TNIK: variants seen among roughly 807,000 people sequenced by gnomAD.
The protein encoded by TNIK is TRAF2 and NCK-interacting protein kinase.
A neutral mutation model predicts 191.3 loss-of-function variants in TNIK; 49 were observed. The observed-to-expected ratio is 0.26, with a 90% confidence interval of 0.20 to 0.32. TNIK has a LOEUF of 0.32. TNIK is among the 10% of genes least tolerant of loss of function. The pLI, the probability that TNIK is intolerant of heterozygous loss-of-function variation, is 1.00. For missense variants in TNIK, 1,155 were observed against 1,702.3 expected (o/e 0.68, Z 5.66); for synonymous variants, 594 against 600.9 (o/e 0.99, Z 0.17).
chr3:171,224,761 C>T (rs1004167501), intron 3 of TNIK, among the ~76,000 whole-genome samples: 6 of 152,042 alleles, frequency 3.9e-5, no homozygotes, highest in Admixed American at 1.3e-4. Flanking sequence ...CAATCTAGAG[C>T]GCAAAAATCC....
At chr3:171,183,704 C>T (rs977036406) in intron 7 of TNIK, among the ~76,000 whole-genome samples, 1 of 152,102 alleles carries the variant, frequency 6.6e-6, no homozygotes, top group South Asian at 2.1e-4. Flanking sequence ...GGGCAGATCA[C>T]GAGGTCAGGA....
At chr3:171,196,997 C>T (rs1027147317) in intron 4 of TNIK, among the ~76,000 whole-genome samples, 6 of 152,290 alleles carry the variant, frequency 3.9e-5, no homozygotes, top group Admixed American at 6.5e-5. Flanking sequence ...CTTTGTGATC[C>T]GCCCGCCTCG....
chr3:171,105,409 T>C (rs568252600), intron 21 of TNIK, among the ~76,000 whole-genome samples: 33 of 152,306 alleles, frequency 2.2e-4, no homozygotes, highest in Admixed American at 7.2e-4. Context: ...CAAAACTGTC[T>C]CCAGATTTTG....
At chr3:171,083,980 T>C (rs1721017955) in intron 26 of TNIK, among the ~76,000 whole-genome samples, 175 bp downstream of exon 26, 1 of 152,164 alleles carries the variant, frequency 6.6e-6, no homozygotes, top group Non-Finnish European at 1.5e-5. Flanking sequence ...TATTTCTACA[T>C]ATAAAACTCC....
chr3:171,079,546 G>A lies in TNIK; in HGVS notation c.3420C>T (p.Asp1140=). Residue 1140 remains aspartate (D), a synonymous_variant, in exon 28 of 33, where the codon GAC becomes GAT. Coordinates refer to ENST00000436636, the MANE Select transcript of TNIK (RefSeq NM_015028.4). ...CTTTATAATGTATACAGCCTTCCAA[G>A]TCCCCAACAGTGATCCAGCCTTGTT... The part of the protein sequence containing the change: ...EKKQGWITVG[D]LEGCIHYKVV... 6.2e-7 allele frequency: 1 copy of A among 1,613,570 alleles called. No homozygotes were observed. Among genetic ancestry groups the A allele is most frequent in the Non-Finnish European group, 8.5e-7 (1 of 1,179,718 alleles).
Position 171,455,796 on chromosome 3 carries a change from G to A in TNIK, c.57+4211C>T, listed in dbSNP as rs1186070623. The stretch of plus-strand genomic sequence containing the variant: ...TAAGAGGTGGACATAGAACTGGGGA[G>A]ACAGGGTTCATTCCACTCCATTCAT... On this transcript the variant is annotated intron_variant, in intron 1 of 32. Coordinates refer to ENST00000436636, the MANE Select transcript of TNIK (RefSeq NM_015028.4). Among the ~76,000 whole-genome samples the A allele has an allele frequency of 2.6e-4, 40 of 152,170 alleles. 1 individual carries two copies.
chr3:171,118,147 AACAG>A (rs754564328), intron 18 of TNIK, among the ~76,000 whole-genome samples: 11 of 151,596 alleles, frequency 7.3e-5, no homozygotes, highest in South Asian at 2.1e-4. Flanking sequence ...ATACACCAAT[AACAG>A]ACAGAGAGAC....
chr3:171,289,287 G>A (rs1369900448), intron 2 of TNIK, among the ~76,000 whole-genome samples: 2 of 152,198 alleles, frequency 1.3e-5, no homozygotes, highest in Non-Finnish European at 2.9e-5. Context: ...AAGAGAATAT[G>A]AGAATTATGT....
chr3:171,124,178 A>G (rs984632630), intron 17 of TNIK, among the ~76,000 whole-genome samples: 1 of 152,236 alleles, frequency 6.6e-6, no homozygotes, highest in African/African-American at 2.4e-5. Flanking sequence ...CTAGAATATC[A>G]GGATAGAGCT....
chr3:171,418,936 G>A (rs1267168243), intron 1 of TNIK, among the ~76,000 whole-genome samples: 1 of 152,154 alleles, frequency 6.6e-6, no homozygotes, highest in African/African-American at 2.4e-5. Context: ...AGGTCCAGCA[G>A]GGTCAGTTTC....
chr3:171,130,457 A>G (rs1046197084), intron 15 of TNIK, among the ~76,000 whole-genome samples: 1 of 152,230 alleles, frequency 6.6e-6, no homozygotes. Context: ...AAAAGCCAGG[A>G]ATATAAACCA....
chr3:171,415,122 C>T (rs1722894089), intron 1 of TNIK, among the ~76,000 whole-genome samples: 1 of 152,168 alleles, frequency 6.6e-6, no homozygotes, highest in Non-Finnish European at 1.5e-5. Flanking sequence ...ATCTCAGTAC[C>T]TATTCATGGG....
intron 1 of TNIK, among the ~76,000 whole-genome samples, chr3:171,409,136 T>A (rs183707165): frequency 6.6e-6 from 1 of 152,272 alleles, no homozygotes; most frequent in Non-Finnish European, 1.5e-5. Context: ...TGGGTAAAAT[T>A]TGAGAAAACC....
intron 30 of TNIK, among the ~76,000 whole-genome samples, chr3:171,067,628 C>T (rs901128039): frequency 5.0e-4 from 75 of 149,318 alleles, no homozygotes; most frequent in Non-Finnish European, 8.4e-4. Context: ...GCCGAGATCA[C>T]GCCACTGTAC....
chr3:171,351,806 A>G (rs935195504), intron 2 of TNIK, among the ~76,000 whole-genome samples: 3 of 152,292 alleles, frequency 2.0e-5, no homozygotes, highest in Admixed American at 6.5e-5. Context: ...GGGATATGAC[A>G]AACCAACCAC....
chr3:171,313,191 T>C (rs1196279840), intron 2 of TNIK, among the ~76,000 whole-genome samples: 1 of 152,230 alleles, frequency 6.6e-6, no homozygotes, highest in African/African-American at 2.4e-5. Context: ...ACCAATTTTT[T>C]AAAGTGTATC....
chr3:171,389,182 T>C (rs1023869726), intron 1 of TNIK, among the ~76,000 whole-genome samples: 3 of 152,172 alleles, frequency 2.0e-5, no homozygotes, highest in South Asian at 2.1e-4. Context: ...CACAACCACC[T>C]GGTACTTATT....
chr3:171,148,751 G>A (rs1469768719), intron 12 of TNIK, among the ~76,000 whole-genome samples: 1 of 152,208 alleles, frequency 6.6e-6, no homozygotes, highest in Non-Finnish European at 1.5e-5. Context: ...TTCTAGGGCA[G>A]ATATGCAGGG....
At chr3:171,257,143 G>T (rs1435550395) in intron 2 of TNIK, among the ~76,000 whole-genome samples, 1 of 152,168 alleles carries the variant, frequency 6.6e-6, no homozygotes, top group Non-Finnish European at 1.5e-5. Flanking sequence ...AAAGAAGACT[G>T]CTCACCACTG....
Sources: gnomAD v4.1 joint callset for allele counts (sites outside exome capture counted in the v4.1 genomes callset) on GRCh38, gnomAD v4.1.1 for gene constraint, MANE v1.5 for transcripts, NCBI Gene and HGNC (gene_info 2026-07-23, HGNC 2026-07-21) for gene names.